Variants in EYS observed in about 807,000 individuals in gnomAD.
The protein encoded by EYS is EGF-like photoreceptor maintenance factor.
Under a neutral mutation model 282.1 loss-of-function variants are expected in EYS, and 250 were observed. The ratio of observed to expected loss-of-function variants is 0.89; its 90% CI spans 0.80 to 0.98. The LOEUF (loss-of-function observed/expected upper bound fraction) is 0.98, where lower values mean the gene tolerates loss of function less well. Ranked by LOEUF, EYS falls within the 50% of genes least tolerant of loss-of-function variation. The probability of loss-of-function intolerance (pLI) is 0.00; values close to 1 mark genes in which losing one functional copy is unlikely to be tolerated. For missense variants in EYS, 4,016 were observed against 3,709.0 expected (o/e 1.08, Z -2.15); for synonymous variants, 1,355 against 1,282.9 (o/e 1.06, Z -1.20).
In EYS at chr6:65,296,097, T is replaced by G; in HGVS notation, c.1789A>C (p.Ile597Leu). 1 of 1,549,442 alleles carries G rather than the reference T, an allele frequency of 6.5e-7. No homozygotes were observed. The highest frequency in any genetic ancestry group is 1.4e-5 in the African/African-American group (1 of 73,100). ...RPRCSCSLSY[I>L]GRLCVVNVDY... Reference sequence around the variant, plus strand: ...ACATTGACAACACACAATCTGCCAATGTAACTAAGAGAACAGCTGCATCTG... The same window carrying G: ...ACATTGACAACACACAATCTGCCAAGGTAACTAAGAGAACAGCTGCATCTG... Residue 597 changes from isoleucine (I) to leucine (L), a missense_variant, in exon 12 of 43, where the codon ATT becomes CTT. Physicochemically the swap from Ile to Leu is conservative, Grantham distance 5 (BLOSUM62 2). Transcript: ENST00000503581.
intron 12 of EYS, among the ~76,000 whole-genome samples, chr6:65,210,349 T>C (rs1163036684): frequency 6.6e-6 from 1 of 152,058 alleles, no homozygotes; most frequent in Non-Finnish European, 1.5e-5. Context: ...TGTCTCTTTT[T>C]CCTTAGGGGG....
chr6:64,012,934 G>A (rs932134226), intron 33 of EYS, among the ~76,000 whole-genome samples: 3 of 152,122 alleles, frequency 2.0e-5, no homozygotes, highest in African/African-American at 7.2e-5. Flanking sequence ...TATAAAAAGC[G>A]CTCCATGACC....
intron 30 of EYS, among the ~76,000 whole-genome samples, chr6:64,285,549 G>A (rs1197826095): frequency 6.6e-6 from 1 of 152,048 alleles, no homozygotes; most frequent in Non-Finnish European, 1.5e-5. Context: ...ATGTTCTTCT[G>A]AGCCCTCCAA....
At chr6:65,097,099 A>C (rs1275229253) in intron 12 of EYS, among the ~76,000 whole-genome samples, 2 of 151,174 alleles carry the variant, frequency 1.3e-5, no homozygotes, top group Non-Finnish European at 3.0e-5. Context: ...CCCATATCTG[A>C]TAAAGGGTTA....
chr6:64,391,632 A>T (rs1773150037), intron 28 of EYS, among the ~76,000 whole-genome samples: 1 of 152,302 alleles, frequency 6.6e-6, no homozygotes. Flanking sequence ...GAAGCGCTAA[A>T]CATGGAAAGG....
intron 28 of EYS, among the ~76,000 whole-genome samples, chr6:64,390,723 T>A (rs1010134571): frequency 6.7e-6 from 1 of 150,340 alleles, no homozygotes; most frequent in African/African-American, 2.5e-5. Flanking sequence ...GCGCCTCTCC[T>A]CCTCCAAAGG....
chr6:64,180,431 T>C (rs554433798), intron 31 of EYS, among the ~76,000 whole-genome samples: 5 of 152,286 alleles, frequency 3.3e-5, no homozygotes, highest in African/African-American at 1.2e-4. Flanking sequence ...TCATTTTCTT[T>C]TTTTGACTTT....
chr6:64,921,122 G>T (rs1018936990), intron 15 of EYS, among the ~76,000 whole-genome samples: 1 of 152,000 alleles, frequency 6.6e-6, no homozygotes, highest in Non-Finnish European at 1.5e-5. Flanking sequence ...CTCCTTAGGG[G>T]TAACATGTAT....
At chr6:63,916,381 A>AT (rs1208316829) in intron 35 of EYS, among the ~76,000 whole-genome samples, 1 of 152,210 alleles carries the variant, frequency 6.6e-6, no homozygotes, top group Non-Finnish European at 1.5e-5. Flanking sequence ...CTTAACTGTT[A>AT]TTGTCTATAA....
chr6:65,163,482 CT>C (rs1182531906), intron 12 of EYS, among the ~76,000 whole-genome samples: 3 of 151,044 alleles, frequency 2.0e-5, no homozygotes, highest in East Asian at 3.9e-4. Context: ...TTGGAAATGT[CT>C]TTGTCACTCT....
chr6:64,066,833 A>T (rs779930462), intron 32 of EYS, among the ~76,000 whole-genome samples: 43 of 152,142 alleles, frequency 2.8e-4, no homozygotes, highest in Non-Finnish European at 5.7e-4. Flanking sequence ...TCCTGTGATA[A>T]TTAAATAAAA....
intron 12 of EYS, among the ~76,000 whole-genome samples, chr6:65,128,127 A>C (rs1775771782): frequency 6.6e-6 from 1 of 152,070 alleles, no homozygotes; most frequent in Admixed American, 6.6e-5. Flanking sequence ...CCAAATCATT[A>C]CATTTTTGGG....
At chr6:64,281,777 C>T (rs552915675) in intron 30 of EYS, among the ~76,000 whole-genome samples, 83 of 152,038 alleles carry the variant, frequency 5.5e-4, no homozygotes, top group Middle Eastern at 6.8e-3. Flanking sequence ...GCATATATGG[C>T]ATGATTTTCA....
chr6:65,451,167 A>C (rs1439413617), intron 5 of EYS, among the ~76,000 whole-genome samples: 1 of 152,078 alleles, frequency 6.6e-6, no homozygotes, highest in African/African-American at 2.4e-5. Flanking sequence ...AGATTAATAG[A>C]AAGACAATGC....
chr6:64,015,140 G>GA (rs554595483), intron 33 of EYS, among the ~76,000 whole-genome samples: 5 of 152,150 alleles, frequency 3.3e-5, no homozygotes, highest in African/African-American at 9.6e-5. Context: ...CCATGATGAT[G>GA]AAAAAAATTG....
At chr6:64,837,511 A>T (rs938122566) in intron 19 of EYS, among the ~76,000 whole-genome samples, 1 of 150,872 alleles carries the variant, frequency 6.6e-6, no homozygotes, top group African/African-American at 2.4e-5. Context: ...AATAAAAAAC[A>T]TCAAAATGAA....
intron 29 of EYS, among the ~76,000 whole-genome samples, chr6:64,364,923 T>C (rs746617131): frequency 1.3e-5 from 2 of 151,924 alleles, no homozygotes; most frequent in African/African-American, 2.4e-5. Context: ...ACCTGTATAA[T>C]TAGTAAAAGA....
chr6:63,760,877 C>T (rs1056869093), intron 41 of EYS, among the ~76,000 whole-genome samples: 1 of 151,844 alleles, frequency 6.6e-6, no homozygotes, highest in African/African-American at 2.4e-5. Context: ...CTAGCCCTTA[C>T]GTTACTTGTC....
chr6:65,193,109 C>A (rs138669975), intron 12 of EYS, among the ~76,000 whole-genome samples: 126 of 151,896 alleles, frequency 8.3e-4, no homozygotes, highest in African/African-American at 2.9e-3. Flanking sequence ...TCTGTGGGAG[C>A]TAAGGAATTG....
Sources: allele counts gnomAD v4.1 joint callset (sites outside exome capture counted in the v4.1 genomes callset), GRCh38; gene constraint gnomAD v4.1.1; transcripts MANE v1.5; gene names NCBI Gene and HGNC (gene_info 2026-07-23, HGNC 2026-07-21).